The following KRT13 variants were observed in gnomAD, a reference collection of about 807,000 sequenced individuals.
KRT13 encodes the protein keratin, type I cytoskeletal 13.
A neutral mutation model predicts 40.6 loss-of-function variants in KRT13; 27 were observed. That is an observed-to-expected ratio of 0.67 (90% CI 0.49 to 0.92). KRT13 has a LOEUF of 0.92. KRT13 is among the 40% of genes least tolerant of loss of function. KRT13 has a pLI of 0.00. For missense variants in KRT13, 605 were observed against 611.5 expected, an observed-to-expected ratio of 0.99 and a Z score of 0.11; for synonymous variants, 266 against 240.3, an observed-to-expected ratio of 1.11 and a Z score of -0.99.
At chr17:41,501,932 T>C in intron 6 of KRT13, 188 bp from the exon 7 acceptor site, 1 of 1,474,650 alleles carries the variant, frequency 6.8e-7, no homozygotes, top group Non-Finnish European at 9.0e-7. Flanking sequence ...GTCTTTCCTG[T>C]CTGTCTGTCT....
At chr17:41,504,741 A>C (rs536111111) in intron 1 of KRT13, among the ~76,000 whole-genome samples, 1 of 152,368 alleles carries the variant, frequency 6.6e-6, no homozygotes, top group South Asian at 2.1e-4. Context: ...TAAACCTGTC[A>C]TGTTTCCAGA....
At position 41,505,398 on chromosome 17, in the gene KRT13, A is replaced by G. The variant is rs745768178; in HGVS notation, c.153T>C (p.Cys51=). 23 of 1,613,326 alleles carry G rather than the reference A, an allele frequency of 1.4e-5. No homozygotes were observed. The highest frequency in any genetic ancestry group is 1.9e-5 in the Non-Finnish European group (23 of 1,179,594). ...CACTACCAGCCCCTCCACCAAAACC[A>G]CAGCTCACGCCGCCTCCATAGCCCC... ...SAGGYGGGVS[C]GFGGGAGSGF... Residue 51 remains cysteine, a synonymous_variant, in exon 1 of 8, where the codon TGT becomes TGC. Coordinates refer to ENST00000246635, the MANE Select transcript of KRT13 (RefSeq NM_153490.3).
chr17:41,502,616 A>T (rs768904310), intron 5 of KRT13, 22 bp from the exon 6 acceptor site: 1 of 1,613,262 alleles, frequency 6.2e-7, no homozygotes, highest in South Asian at 1.1e-5. Flanking sequence ...ACAGACAAGA[A>T]GTTACAGAGG....
intron 6 of KRT13, 57 bp downstream of exon 6, chr17:41,502,317 C>G: frequency 6.2e-7 from 1 of 1,612,862 alleles, no homozygotes; most frequent in South Asian, 1.1e-5. Context: ...CCTGCCTGCT[C>G]TGACACCCAC....
In KRT13 at chr17:41,505,073, C is replaced by T. The variant is rs780908590; in HGVS notation, c.478G>A (p.Glu160Lys). 1 of 1,614,084 alleles carries T rather than the reference C, an allele frequency of 6.2e-7. No individual in the cohort carries two copies. Residue 160 changes from glutamate to lysine, a missense_variant, in exon 1 of 8, where the codon GAA becomes AAA. Coordinates refer to ENST00000246635, the MANE Select transcript of KRT13 (RefSeq NM_153490.3). ...GGGCTCACCTTGTCCCGGAGCTCTT[C>T]AATGGTCTTGTAGTAGGGGCTGTAG... ...RDYSPYYKTI[E>K]ELRDKILTAT...
intron 6 of KRT13, 156 bp downstream of exon 6, chr17:41,502,218 T>C (rs1180062278): frequency 1.3e-5 from 20 of 1,557,378 alleles, no homozygotes; most frequent in Non-Finnish European, 3.5e-6. Context: ...TTTAAAGGTG[T>C]TAACCCTGCA....
chr17:41,503,226 G>A (rs72832099), intron 3 of KRT13, 61 bp downstream of exon 3: 22,393 of 1,606,614 alleles, frequency 0.014, 189 homozygotes, highest in Non-Finnish European at 0.017. Flanking sequence ...AGTTGCAGGG[G>A]AGGGCTCCTC....
In KRT13 at chr17:41,501,693, C is replaced by A. The variant is rs760772792; in HGVS notation, c.1270+26G>T. 2.3e-5 allele frequency: 36 copies of A among 1,571,348 alleles called. No individual in the cohort carries two copies. In the East Asian group the frequency reaches 2.6e-4, roughly 11 times the overall value. ...GAATGGGAGGCTAACTCTGCCTCCC[C>A]CTACACCACGGGGCTGTTCCCTTAC... On this transcript the variant is annotated intron_variant, in intron 7 of 7. Transcript: ENST00000246635.
intron 3 of KRT13, 63 bp downstream of exon 3, chr17:41,503,224 G>C (rs972227627): frequency 1.1e-5 from 17 of 1,607,860 alleles, no homozygotes; most frequent in African/African-American, 1.3e-5. Context: ...CCAGTTGCAG[G>C]GGAGGGCTCC....
chr17:41,503,765 G>A (rs987348584), intron 1 of KRT13, 40 bp from the exon 2 acceptor site: 3 of 1,532,346 alleles, frequency 2.0e-6, no homozygotes, highest in South Asian at 1.1e-5. Context: ...GGGCATGGGT[G>A]TCCAGTCTGT....
In KRT13 at chr17:41,505,542, G is replaced by A. The variant is rs185787290; in HGVS notation, c.9C>T (p.Leu3=). The A allele has an allele frequency of 1.0e-4, 165 of 1,614,254 alleles. 1 individual carries two copies. The East Asian group carries it at 3.7e-3, about 36-fold the overall frequency. MS[L]RLQSSSASYG... is the part of the protein sequence containing the mutation. ...AGCTGGCAGAGGAGCTCTGCAGGCG[G>A]AGGCTCATGGTGAGAGCAGGATTGA... The change falls in exon 1 of 8, where the codon CTC becomes CTT. Residue 3 remains leucine (L), a synonymous_variant. Transcript: ENST00000246635.
chr17:41,502,115 G>A (rs1340475877), intron 6 of KRT13: 6 of 1,429,624 alleles, frequency 4.2e-6, no homozygotes, highest in African/African-American at 1.4e-5. Context: ...TTGTTCAGCT[G>A]AGCTGTATCC....
intron 6 of KRT13, chr17:41,502,127 A>G: frequency 7.0e-7 from 1 of 1,434,844 alleles, no homozygotes; most frequent in South Asian, 1.5e-5. Context: ...GCTGTATCCA[A>G]GCTCATGTTT....
Position 41,505,124 on chromosome 17 carries a change from G to C in KRT13, c.427C>G (p.Gln143Glu). ...TCCCGCTCAGGGCTAGCTGGGCTCT[G>C]CTTCAGGTGCCAGTCACGGATCTTC... ...EVKIRDWHLK[Q>E]SPASPERDYS... The change falls in exon 1 of 8, where the codon CAG becomes GAG. Residue 143 changes from glutamine (Q) to glutamate (E), a missense_variant. Gln to Glu is a conservative substitution (Grantham distance 29, BLOSUM62 2). Coordinates refer to ENST00000246635, the MANE Select transcript of KRT13 (RefSeq NM_153490.3). 2.5e-6 allele frequency: 4 copies of C among 1,614,204 alleles called. No individual in the cohort carries two copies. Among genetic ancestry groups the C allele is most frequent in the Middle Eastern group, 1.6e-4 (1 of 6,062 alleles).
intron 1 of KRT13, 33 bp from the exon 2 acceptor site, chr17:41,503,758 C>T (rs1297956118): frequency 1.3e-6 from 2 of 1,561,904 alleles, no homozygotes; most frequent in Admixed American, 1.7e-5. Flanking sequence ...ACCTCTAGGG[C>T]ATGGGTGTCC....
chr17:41,502,525 C>G lies in KRT13; in HGVS notation c.1093G>C (p.Gly365Arg), dbSNP rs754732492. Residue 365 changes from glycine to arginine, a missense_variant, in exon 6 of 8, where the codon GGA becomes CGA. Coordinates refer to ENST00000246635, the MANE Select transcript of KRT13 (RefSeq NM_153490.3). ...TGGGCCTCGATGCTGCTGATGAGTC[C>G]CTGGATCTGCTGCAGCTGCAGGGCA... ...RYALQLQQIQ[G>R]LISSIEAQLS... The G allele has an allele frequency of 9.3e-6, 15 of 1,614,014 alleles. No homozygotes were observed. Among genetic ancestry groups the G allele is most frequent in the Non-Finnish European group, 1.3e-5 (15 of 1,180,034 alleles).
intron 1 of KRT13, among the ~76,000 whole-genome samples, 156 bp downstream of exon 1, chr17:41,504,899 AT>A (rs1319302027): frequency 3.9e-5 from 6 of 152,250 alleles, no homozygotes; most frequent in African/African-American, 1.4e-4. Flanking sequence ...GAGAAAGCCC[AT>A]CAGAGGTAGA....
In KRT13 at chr17:41,502,719, G is replaced by A. The variant is rs771435962; in HGVS notation, c.991C>T (p.Leu331=). ...ITELRRTLQG[L]EIELQSQLSM... ...AGCTGGGACTGCAGCTCAATCTCCA[G>A]GCCTTGGAGCGTGCGCCTGAGCTCC... The change falls in exon 5 of 8, where the codon CTG becomes TTG. Residue 331 remains leucine, a synonymous_variant. Transcript: ENST00000246635. The A allele has an allele frequency of 7.4e-6, 12 of 1,614,066 alleles. No individual in the cohort carries two copies. The highest frequency in any genetic ancestry group is 1.0e-5 in the Non-Finnish European group (12 of 1,180,060).
Position 41,503,711 on chromosome 17 carries a change from G to A in KRT13, c.510C>T (p.Thr170=). The change falls in exon 2 of 8, where the codon ACC becomes ACT. Residue 170 remains threonine, a synonymous_variant. Coordinates refer to ENST00000246635, the MANE Select transcript of KRT13 (RefSeq NM_153490.3). ...EELRDKILTA[T]IENNRVILEI... The stretch of plus-strand genomic sequence containing the variant: ...CCAGGATGACCCGGTTGTTTTCAAT[G>A]GTGGCGGTCAGGATCTACAAAATGC... 2 of 1,614,048 alleles carry A rather than the reference G, an allele frequency of 1.2e-6. No individual in the cohort carries two copies. Among genetic ancestry groups the A allele is most frequent in the Middle Eastern group, 1.7e-4 (1 of 6,052 alleles).
Sources: gnomAD v4.1 joint callset for allele counts (sites outside exome capture counted in the v4.1 genomes callset) on GRCh38, gnomAD v4.1.1 for gene constraint, MANE v1.5 for transcripts, NCBI Gene and HGNC (gene_info 2026-07-23, HGNC 2026-07-21) for gene names.